The following PDE3A variants were observed in gnomAD, a reference collection of about 807,000 sequenced individuals.
PDE3A encodes cGMP-inhibited 3',5'-cyclic phosphodiesterase 3A.
A neutral mutation model predicts 98.3 loss-of-function variants in PDE3A; 43 were observed. The observed-to-expected ratio is 0.44, with a 90% CI of 0.34 to 0.56. The LOEUF is 0.56. PDE3A is among the 20% of genes least tolerant of loss of function. PDE3A has a pLI of 0.01. For synonymous variants in PDE3A, 663 were observed against 567.9 expected, an observed-to-expected ratio of 1.17 and a Z score of -2.38; for missense variants, 1,427 against 1,440.7, an observed-to-expected ratio of 0.99 and a Z score of 0.15.
intron 15 of PDE3A, among the ~76,000 whole-genome samples, chr12:20,660,053 G>C (rs1945128413): frequency 6.6e-6 from 1 of 152,110 alleles, no homozygotes; most frequent in South Asian, 2.1e-4. Context: ...TGTCGTGGGA[G>C]GGACCTGGTG....
chr12:20,611,510 C>T (rs1330869509), intron 2 of PDE3A, among the ~76,000 whole-genome samples: 1 of 151,740 alleles, frequency 6.6e-6, no homozygotes, highest in Admixed American at 6.6e-5. Flanking sequence ...CACTTTCCAC[C>T]TGTCTGATTT....
chr12:20,470,996 G>A (rs956871739), intron 1 of PDE3A, among the ~76,000 whole-genome samples: 1 of 152,016 alleles, frequency 6.6e-6, no homozygotes, highest in East Asian at 1.9e-4. Flanking sequence ...AATCCAAGGA[G>A]CAAGCCGTCA....
At chr12:20,514,199 G>A (rs1247730555) in intron 1 of PDE3A, among the ~76,000 whole-genome samples, 2 of 152,070 alleles carry the variant, frequency 1.3e-5, no homozygotes, top group African/African-American at 2.4e-5. Flanking sequence ...AATCAAATAA[G>A]GCAATTAACA....
At chr12:20,605,293 G>A (rs773976444) in intron 2 of PDE3A, among the ~76,000 whole-genome samples, 3 of 152,082 alleles carry the variant, frequency 2.0e-5, no homozygotes, top group South Asian at 2.1e-4. Context: ...TATTCCTTGT[G>A]ATCTACTCAG....
intron 10 of PDE3A, among the ~76,000 whole-genome samples, chr12:20,645,149 A>T (rs1479116606): frequency 6.6e-6 from 1 of 151,794 alleles, no homozygotes; most frequent in Non-Finnish European, 1.5e-5. Context: ...TCAGCCTCCC[A>T]AAATGCTGGA....
At chr12:20,454,561 A>G (rs1296130543) in intron 1 of PDE3A, among the ~76,000 whole-genome samples, 1 of 152,122 alleles carries the variant, frequency 6.6e-6, no homozygotes, top group Non-Finnish European at 1.5e-5. Context: ...TGTACAGATT[A>G]TTTAGGCACT....
rs147354107 is a variant in PDE3A at position 20,597,447 on chromosome 12, C to A, written c.1012-15996C>A. On this transcript the variant is annotated intron_variant, in intron 2 of 15. Coordinates refer to ENST00000359062, the MANE Select transcript of PDE3A (RefSeq NM_000921.5). ...AGTGATAAGTATGTTTGCTATCTGT[C>A]TTTCACCCTTCTCACAATTCTCTTT... 9.9e-3 allele frequency among the ~76,000 whole-genome samples: 1,511 copies of A among 152,232 alleles called. 23 individuals are homozygous for A. The highest frequency in any genetic ancestry group is 0.025 in the African/African-American group (1,037 of 41,532).
intron 2 of PDE3A, among the ~76,000 whole-genome samples, chr12:20,595,348 G>A (rs1425036181): frequency 6.6e-6 from 1 of 152,008 alleles, no homozygotes; most frequent in African/African-American, 2.4e-5. Context: ...ACATTGACTT[G>A]GCCTACCCAT....
chr12:20,490,743 G>A (rs1565566012), intron 1 of PDE3A, among the ~76,000 whole-genome samples: 1 of 152,136 alleles, frequency 6.6e-6, no homozygotes, highest in Non-Finnish European at 1.5e-5. Flanking sequence ...CTTTCTGTTG[G>A]TTCTCGTCCC....
chr12:20,384,006 A>G (rs1943703959), intron 1 of PDE3A, among the ~76,000 whole-genome samples: 1 of 151,998 alleles, frequency 6.6e-6, no homozygotes, highest in South Asian at 2.1e-4. Context: ...TGATAATGTC[A>G]GGGGCAGATT....
At chr12:20,468,965 G>A (rs943105146) in intron 1 of PDE3A, among the ~76,000 whole-genome samples, 7 of 152,190 alleles carry the variant, frequency 4.6e-5, no homozygotes, top group African/African-American at 1.7e-4. Context: ...CATTAATGTG[G>A]TCTAATTATC....
intron 1 of PDE3A, among the ~76,000 whole-genome samples, chr12:20,433,173 C>T (rs188856701): frequency 6.6e-6 from 1 of 152,118 alleles, no homozygotes. Flanking sequence ...CTATTCCCTT[C>T]GAAGGGCAGT....
At chr12:20,586,015 C>T (rs1943187970) in intron 2 of PDE3A, among the ~76,000 whole-genome samples, 1 of 152,172 alleles carries the variant, frequency 6.6e-6, no homozygotes, top group African/African-American at 2.4e-5. Flanking sequence ...GACAAGTGTA[C>T]TGGGCATTTG....
Position 20,653,596 on chromosome 12 carries a change from T to A in PDE3A, c.2926-351T>A, listed in dbSNP as rs1242971179. On this transcript the variant is annotated intron_variant, in intron 14 of 15. Transcript: ENST00000359062. ...CCAGGCTGGTCTCGATTTGCCCACTTTGGCATCCCAAAGTGCTGGGATTAC... is the reference window on the plus strand; with the variant it reads ...CCAGGCTGGTCTCGATTTGCCCACTATGGCATCCCAAAGTGCTGGGATTAC... Among the ~76,000 whole-genome samples, 3 of 152,254 alleles carry A rather than the reference T, an allele frequency of 2.0e-5. No individual in the cohort carries two copies. The East Asian group carries it at 5.8e-4, about 29-fold the overall frequency.
At chr12:20,558,171 G>T (rs1942417302) in intron 2 of PDE3A, among the ~76,000 whole-genome samples, 1 of 149,270 alleles carries the variant, frequency 6.7e-6, no homozygotes. Context: ...TTATCTTCAG[G>T]TTTAGATTGG....
At chr12:20,592,389 A>G (rs1943360314) in intron 2 of PDE3A, among the ~76,000 whole-genome samples, 1 of 152,222 alleles carries the variant, frequency 6.6e-6, no homozygotes, top group Non-Finnish European at 1.5e-5. Context: ...AGGAATTCGA[A>G]CACCATATCC....
Position 20,650,608 on chromosome 12 carries a change from A to T in PDE3A, c.2925+8A>T. 6.3e-7 allele frequency: 1 copy of T among 1,593,792 alleles called. No homozygotes were observed. The highest frequency in any genetic ancestry group is 8.6e-7 in the Non-Finnish European group (1 of 1,162,672). ...AATGAATTTTATGAACAGGTAACTG[A>T]CCACTGTTTAATACAGCTTAATCTG... On this transcript the variant is annotated splice_region_variant and intron_variant, in intron 14 of 15. Coordinates refer to ENST00000359062, the MANE Select transcript of PDE3A (RefSeq NM_000921.5).
intron 1 of PDE3A, among the ~76,000 whole-genome samples, chr12:20,556,236 T>C (rs1488757195): frequency 1.3e-5 from 2 of 152,148 alleles, no homozygotes; most frequent in East Asian, 1.9e-4. Flanking sequence ...ATTTTTATAG[T>C]TTTGAAGGAG....
chr12:20,472,521 A>C (rs1945456313), intron 1 of PDE3A, among the ~76,000 whole-genome samples: 1 of 152,036 alleles, frequency 6.6e-6, no homozygotes, highest in Non-Finnish European at 1.5e-5. Flanking sequence ...AAAATCCTAC[A>C]CTCTTCAGTT....
Sources: gnomAD v4.1 joint callset for allele counts (sites outside exome capture counted in the v4.1 genomes callset) on GRCh38, gnomAD v4.1.1 for gene constraint, MANE v1.5 for transcripts, NCBI Gene and HGNC (gene_info 2026-07-23, HGNC 2026-07-21) for gene names.